The following IMMP2L variants were observed in gnomAD, a reference collection of about 807,000 sequenced individuals.
The protein encoded by IMMP2L is inner mitochondrial membrane peptidase subunit 2, also known as mitochondrial inner membrane protease subunit 2.
In IMMP2L, 18 loss-of-function variants were observed where a neutral mutation model predicts 19.3. The ratio of observed to expected loss-of-function variants is 0.93; its 90% CI spans 0.64 to 1.38. The LOEUF (loss-of-function observed/expected upper bound fraction) is 1.38. Ranked by LOEUF, IMMP2L falls within the 40% of genes most tolerant of loss-of-function variation. IMMP2L has a pLI of 0.00. For synonymous variants in IMMP2L, 76 were observed against 73.0 expected, an observed-to-expected ratio of 1.04 and a Z score of -0.21; for missense variants, 233 against 218.2, an observed-to-expected ratio of 1.07 and a Z score of -0.43.
chr7:111,453,594 A>G (rs1217515368), intron 3 of IMMP2L, among the ~76,000 whole-genome samples: 1 of 152,186 alleles, frequency 6.6e-6, no homozygotes. Flanking sequence ...GTAAAGATAC[A>G]TGCTACCAAT....
chr7:111,407,403 T>C (rs2131471616), intron 3 of IMMP2L, among the ~76,000 whole-genome samples: 1 of 151,944 alleles, frequency 6.6e-6, no homozygotes, highest in East Asian at 1.9e-4. Context: ...CAACACAACA[T>C]AAAAGTCTAG....
chr7:111,347,223 A>T (rs1221340643), intron 3 of IMMP2L, among the ~76,000 whole-genome samples: 2 of 152,072 alleles, frequency 1.3e-5, no homozygotes, highest in Non-Finnish European at 1.5e-5. Flanking sequence ...AATAGATTGA[A>T]GAATATGGAG....
At chr7:111,487,422 G>T in intron 2 of IMMP2L, 81 bp from the exon 3 acceptor site, 2 of 796,558 alleles carry the variant, frequency 2.5e-6, no homozygotes, top group South Asian at 1.5e-5. Context: ...AGCTCGAGTG[G>T]ACTGAAATAA....
At chr7:111,186,372 T>C (rs1323013808) in intron 3 of IMMP2L, among the ~76,000 whole-genome samples, 1 of 152,144 alleles carries the variant, frequency 6.6e-6, no homozygotes, top group Non-Finnish European at 1.5e-5. Flanking sequence ...TTCTGCCTAA[T>C]ATATGCCTAT....
intron 4 of IMMP2L, among the ~76,000 whole-genome samples, chr7:110,911,004 G>C (rs1229655827): frequency 6.6e-6 from 1 of 151,956 alleles, no homozygotes; most frequent in Non-Finnish European, 1.5e-5. Flanking sequence ...AAGATATTTA[G>C]AAAAGAACAT....
chr7:111,044,044 A>G (rs1284928996), intron 3 of IMMP2L, among the ~76,000 whole-genome samples: 2 of 152,228 alleles, frequency 1.3e-5, no homozygotes, highest in Non-Finnish European at 2.9e-5. Flanking sequence ...GTATCAATCA[A>G]AAGACATTAT....
intron 3 of IMMP2L, among the ~76,000 whole-genome samples, chr7:111,290,772 C>T (rs1220335386): frequency 6.6e-6 from 1 of 151,518 alleles, no homozygotes; most frequent in African/African-American, 2.4e-5. Flanking sequence ...GCACTTATCA[C>T]TATTTAATAC....
intron 3 of IMMP2L, among the ~76,000 whole-genome samples, chr7:111,468,849 G>C (rs1210583876): frequency 1.3e-5 from 2 of 152,046 alleles, no homozygotes; most frequent in Non-Finnish European, 2.9e-5. Flanking sequence ...GTTAAAGATG[G>C]AAGTGACTCT....
intron 3 of IMMP2L, chr7:111,124,919 C>A: frequency 2.6e-5 from 35 of 1,359,310 alleles, no homozygotes; most frequent in Middle Eastern, 2.1e-4. Context: ...AGGAAACCTA[C>A]TCCAAAAATG....
At chr7:111,191,063 G>C (rs899536256) in intron 3 of IMMP2L, among the ~76,000 whole-genome samples, 1 of 152,110 alleles carries the variant, frequency 6.6e-6, no homozygotes, top group Non-Finnish European at 1.5e-5. Context: ...CAAAGAGATA[G>C]TAAGGGTGAG....
intron 3 of IMMP2L, among the ~76,000 whole-genome samples, chr7:111,021,620 C>T (rs189522512): frequency 7.9e-5 from 12 of 152,298 alleles, no homozygotes; most frequent in Admixed American, 4.6e-4. Context: ...CGGTGGCTGA[C>T]GCCAGTAATC....
chr7:110,715,158 CT>C (rs1313406793), intron 5 of IMMP2L, among the ~76,000 whole-genome samples: 5 of 152,174 alleles, frequency 3.3e-5, no homozygotes, highest in African/African-American at 9.6e-5. Flanking sequence ...GATCTTCTCT[CT>C]TTTTTTCTTT....
At chr7:111,420,443 T>C (rs1000778244) in intron 3 of IMMP2L, among the ~76,000 whole-genome samples, 11 of 151,906 alleles carry the variant, frequency 7.2e-5, no homozygotes, top group African/African-American at 2.7e-4. Context: ...CTAGGGTACA[T>C]GTGCACAATG....
chr7:110,936,119 T>C (rs951690034), intron 4 of IMMP2L, among the ~76,000 whole-genome samples: 13 of 152,022 alleles, frequency 8.6e-5, no homozygotes, highest in Non-Finnish European at 1.9e-4. Flanking sequence ...TAGGCAACAC[T>C]ATTCAGGACA....
intron 3 of IMMP2L, among the ~76,000 whole-genome samples, chr7:111,438,266 A>T (rs1008126310): frequency 1.3e-5 from 2 of 151,884 alleles, no homozygotes; most frequent in South Asian, 4.1e-4. Context: ...TGACAGTCTC[A>T]AAGAATACTG....
chr7:111,026,107 C>T (rs1358224898), intron 3 of IMMP2L, among the ~76,000 whole-genome samples: 2 of 152,048 alleles, frequency 1.3e-5, no homozygotes, highest in Non-Finnish European at 1.5e-5. Flanking sequence ...AAGTAGGACA[C>T]ATTTTTAAAA....
intron 3 of IMMP2L, among the ~76,000 whole-genome samples, chr7:111,335,672 G>T (rs1826327161): frequency 6.6e-6 from 1 of 151,994 alleles, no homozygotes; most frequent in African/African-American, 2.4e-5. Flanking sequence ...ACATATCAAA[G>T]AACACAACAG....
intron 3 of IMMP2L, among the ~76,000 whole-genome samples, chr7:111,293,556 T>C (rs531513874): frequency 6.6e-6 from 1 of 152,058 alleles, no homozygotes; most frequent in Non-Finnish European, 1.5e-5. Flanking sequence ...CTTACGGATA[T>C]GCTTCAAAAT....
intron 1 of IMMP2L, among the ~76,000 whole-genome samples, chr7:111,561,225 A>G (rs1223490676): frequency 6.6e-6 from 1 of 152,164 alleles, no homozygotes; most frequent in East Asian, 1.9e-4. Context: ...CTTTTTGGCA[A>G]CTTTTCAAAA....
Sources: allele counts gnomAD v4.1 joint callset (sites outside exome capture counted in the v4.1 genomes callset), GRCh38; gene constraint gnomAD v4.1.1; transcripts MANE v1.5; gene names NCBI Gene and HGNC (gene_info 2026-07-23, HGNC 2026-07-21).